The following LRRTM4 variants were observed in gnomAD, a reference collection of about 807,000 sequenced individuals.
LRRTM4 encodes leucine rich repeat transmembrane neuronal 4.
In LRRTM4, 25 loss-of-function variants were observed where a neutral mutation model predicts 47.6. The observed-to-expected ratio is 0.53, with a 90% CI of 0.38 to 0.73. The LOEUF is 0.73. LRRTM4 is among the 30% of genes least tolerant of loss of function. The probability of loss-of-function intolerance (pLI) is 0.00; values close to 1 mark genes in which losing one functional copy is unlikely to be tolerated. For missense variants in LRRTM4, 638 were observed against 713.4 expected (o/e 0.89, Z 1.20); for synonymous variants, 311 against 269.5 (o/e 1.15, Z -1.51).
At position 77,519,002 on chromosome 2, in the gene LRRTM4, G is replaced by A; in HGVS notation, c.867C>T (p.Leu289=). 6.2e-7 allele frequency: 1 copy of A among 1,611,710 alleles called. No individual in the cohort carries two copies. Among genetic ancestry groups the A allele is most frequent in the Non-Finnish European group, 8.5e-7 (1 of 1,178,804 alleles). ...LQKLNLDSNK[L]TNISQETVNA... is the part of the protein sequence containing the mutation. ...TGACAGTTTCCTGTGAGATATTGGT[G>A]AGCTTGTTGGAATCCAAATTCAATT... The change falls in exon 3 of 4, where the codon CTC becomes CTT. Residue 289 remains leucine (L), a synonymous_variant. Transcript: ENST00000409884. The surrounding 1 kb of genome is among the most constrained non-coding windows in gnomAD (Gnocchi z 4.6).
intron 3 of LRRTM4, among the ~76,000 whole-genome samples, chr2:77,245,141 T>G (rs1023714677): frequency 6.6e-6 from 1 of 152,110 alleles, no homozygotes; most frequent in Non-Finnish European, 1.5e-5. Context: ...AAAATAGAAG[T>G]GCTTACAGAT....
Position 76,846,879 on chromosome 2 carries a change from AATG to A in LRRTM4, c.1552-97966_1552-97964del, listed in dbSNP as rs569278178. ...GATCAAGTGTGCATAATTAATTTTA[AATG>A]ATGTTAGAAAGTAAAAAGGTCATAT... On this transcript the variant is annotated intron_variant, in intron 3 of 3. Coordinates refer to ENST00000409884, the MANE Select transcript of LRRTM4 (RefSeq NM_001134745.3). Among the ~76,000 whole-genome samples the A allele has an allele frequency of 3.3e-5, 5 of 150,928 alleles. No individual in the cohort carries two copies. The South Asian group carries it at 1.0e-3, about 31-fold the overall frequency.
At chr2:77,485,867 A>C (rs1677890752) in intron 3 of LRRTM4, among the ~76,000 whole-genome samples, 1 of 151,542 alleles carries the variant, frequency 6.6e-6, no homozygotes, top group South Asian at 2.1e-4. Context: ...AGTAGCTGGG[A>C]CTACAGGCAT....
chr2:77,278,814 G>A (rs1040576364), intron 3 of LRRTM4, among the ~76,000 whole-genome samples: 1 of 151,932 alleles, frequency 6.6e-6, no homozygotes, highest in Non-Finnish European at 1.5e-5. Context: ...CCTTTGGCAA[G>A]TATTAGATTG....
chr2:76,988,723 G>A (rs937293281), intron 3 of LRRTM4, among the ~76,000 whole-genome samples: 6 of 151,720 alleles, frequency 4.0e-5, no homozygotes, highest in East Asian at 3.9e-4. Flanking sequence ...AAGAACTCTC[G>A]TCAGTTCCAT....
At chr2:77,003,605 G>A (rs947383506) in intron 3 of LRRTM4, among the ~76,000 whole-genome samples, 1 of 152,114 alleles carries the variant, frequency 6.6e-6, no homozygotes, top group African/African-American at 2.4e-5. Flanking sequence ...GGCCTTTCTT[G>A]CCATGTAGAA....
intron 3 of LRRTM4, among the ~76,000 whole-genome samples, chr2:77,228,270 GGTAA>G (rs1674868621): frequency 6.6e-6 from 1 of 151,956 alleles, no homozygotes; most frequent in Non-Finnish European, 1.5e-5. Flanking sequence ...TATTTACATT[GGTAA>G]GTGTGATCTA....
intron 3 of LRRTM4, among the ~76,000 whole-genome samples, chr2:77,435,978 G>A (rs899911930): frequency 7.2e-5 from 11 of 152,038 alleles, no homozygotes; most frequent in South Asian, 2.1e-4. Flanking sequence ...TCATTTCTTC[G>A]TTCAGTTTTA....
chr2:77,459,365 C>G (rs371516175), intron 3 of LRRTM4, among the ~76,000 whole-genome samples: 17 of 152,156 alleles, frequency 1.1e-4, no homozygotes, highest in African/African-American at 4.1e-4. Flanking sequence ...ACACTCAACA[C>G]ATTAAAATTA....
chr2:76,799,736 T>C (rs1238928598), intron 3 of LRRTM4, among the ~76,000 whole-genome samples: 4 of 134,442 alleles, frequency 3.0e-5, no homozygotes, highest in Non-Finnish European at 6.3e-5. Context: ...CTTAAGCTGA[T>C]AAGCAACTTC....
chr2:77,090,419 A>G (rs1273642086), intron 3 of LRRTM4, among the ~76,000 whole-genome samples: 1 of 152,080 alleles, frequency 6.6e-6, no homozygotes, highest in African/African-American at 2.4e-5. Flanking sequence ...TTATTACCCA[A>G]TCTGCTCCCG....
At chr2:76,915,886 TAAG>T (rs1382783837) in intron 3 of LRRTM4, among the ~76,000 whole-genome samples, 1 of 152,132 alleles carries the variant, frequency 6.6e-6, no homozygotes. Flanking sequence ...TATTAAATAA[TAAG>T]TAATAAACTT....
chr2:76,837,943 G>T (rs1275103485), intron 3 of LRRTM4, among the ~76,000 whole-genome samples: 1 of 151,746 alleles, frequency 6.6e-6, no homozygotes, highest in Admixed American at 6.6e-5. Flanking sequence ...TTGTGGGGTG[G>T]GGGTAGGGGG....
At chr2:77,333,463 A>G (rs1671043889) in intron 3 of LRRTM4, among the ~76,000 whole-genome samples, 1 of 152,228 alleles carries the variant, frequency 6.6e-6, no homozygotes, top group Non-Finnish European at 1.5e-5. Flanking sequence ...GAAATTGGGA[A>G]ATGGAACAAA....
intron 3 of LRRTM4, among the ~76,000 whole-genome samples, chr2:76,974,207 T>TATATAC (rs1676331877): frequency 2.4e-5 from 2 of 83,004 alleles, no homozygotes; most frequent in East Asian, 2.6e-4. Context: ...CATATATATA[T>TATATAC]ATACACATAT....
intron 3 of LRRTM4, among the ~76,000 whole-genome samples, chr2:77,140,086 G>A (rs981743041): frequency 5.9e-5 from 9 of 152,122 alleles, no homozygotes; most frequent in African/African-American, 1.9e-4. Flanking sequence ...TCCCCATCAA[G>A]CTACCAATGA....
chr2:76,838,463 A>C (rs1456732693), intron 3 of LRRTM4, among the ~76,000 whole-genome samples: 1 of 152,154 alleles, frequency 6.6e-6, no homozygotes, highest in Non-Finnish European at 1.5e-5. Flanking sequence ...GCATACTATT[A>C]TTAATGATAG....
chr2:76,813,038 C>T (rs1670791888), intron 3 of LRRTM4, among the ~76,000 whole-genome samples: 1 of 151,900 alleles, frequency 6.6e-6, no homozygotes, highest in African/African-American at 2.4e-5. Flanking sequence ...GTGGTGGGCA[C>T]CCGTAATCCC....
At chr2:77,299,138 C>T (rs1323511490) in intron 3 of LRRTM4, among the ~76,000 whole-genome samples, 1 of 151,948 alleles carries the variant, frequency 6.6e-6, no homozygotes, top group Admixed American at 6.6e-5. Flanking sequence ...ATAGCAATTA[C>T]ATTTTAATAC....
Sources: allele counts gnomAD v4.1 joint callset (sites outside exome capture counted in the v4.1 genomes callset), GRCh38; gene constraint gnomAD v4.1.1; non-coding constraint Gnocchi (gnomAD v3.1); transcripts MANE v1.5; gene names NCBI Gene and HGNC (gene_info 2026-07-23, HGNC 2026-07-21).